ADAMTS2: variants seen among roughly 807,000 people sequenced by gnomAD.
ADAMTS2 encodes the protein A disintegrin and metalloproteinase with thrombospondin motifs 2.
Under a neutral mutation model 123.0 loss-of-function variants are expected in ADAMTS2, and 50 were observed. That is an observed-to-expected ratio of 0.41 (90% CI 0.32 to 0.51). The LOEUF is 0.51. Ranked by LOEUF, ADAMTS2 falls within the 20% of genes least tolerant of loss-of-function variation. The pLI, the probability that ADAMTS2 is intolerant of heterozygous loss-of-function variation, is 0.35. For synonymous variants in ADAMTS2, 678 were observed against 695.4 expected, an observed-to-expected ratio of 0.98 and a Z score of 0.39; for missense variants, 1,494 against 1,705.2, an observed-to-expected ratio of 0.88 and a Z score of 2.18.
At position 179,307,557 on chromosome 5, in the gene ADAMTS2, G is replaced by A. The variant is rs1261234850; in HGVS notation, c.535-34493C>T. 1.3e-5 allele frequency among the ~76,000 whole-genome samples: 2 copies of A among 152,142 alleles called. No homozygotes were observed. Among genetic ancestry groups the A allele is most frequent in the South Asian group, 4.1e-4 (2 of 4,824 alleles). ...CTCATTCTCTATGCTCCTCACGGCT[G>A]CCCCACAGAATCTCTGAAACACGAC... On this transcript the variant is annotated intron_variant, in intron 2 of 21. Coordinates refer to ENST00000251582, the MANE Select transcript of ADAMTS2 (RefSeq NM_014244.5). This position sits in a 1 kb window ranked among gnomAD's most constrained non-coding sequence, Gnocchi z 5.6.
chr5:179,151,912 C>A (rs1763364370), intron 10 of ADAMTS2, among the ~76,000 whole-genome samples: 1 of 152,154 alleles, frequency 6.6e-6, no homozygotes, highest in Non-Finnish European at 1.5e-5. Flanking sequence ...GCATGAAGCA[C>A]CATGAGGAAC....
rs560983418 is a variant in ADAMTS2 at position 179,132,508 on chromosome 5, C to T, written c.2210-198G>A. Among the ~76,000 whole-genome samples the T allele has an allele frequency of 2.0e-5, 3 of 151,484 alleles. No individual in the cohort carries two copies. Among genetic ancestry groups the T allele is most frequent in the Non-Finnish European group, 4.4e-5 (3 of 67,822 alleles). On this transcript the variant is annotated intron_variant, in intron 14 of 21. Transcript: ENST00000251582. The surrounding 1 kb of genome is among the most constrained non-coding windows in gnomAD (Gnocchi z 6.1). ...CTGCCTCCAGGCTAGTCTTTAAGGC[C>T]CAACCCGGGCATCCTCATATACTGG...
intron 3 of ADAMTS2, among the ~76,000 whole-genome samples, chr5:179,267,410 G>A (rs1766403797): frequency 6.6e-6 from 1 of 152,250 alleles, no homozygotes; most frequent in Non-Finnish European, 1.5e-5. Flanking sequence ...GCTGCAGCCT[G>A]ACAGCAGCAG....
chr5:179,293,963 G>T (rs993439658), intron 2 of ADAMTS2, among the ~76,000 whole-genome samples: 5 of 151,930 alleles, frequency 3.3e-5, no homozygotes, highest in Admixed American at 3.3e-4. Flanking sequence ...TAAGGTATTT[G>T]TGCATCTCAA....
chr5:179,329,117 G>C (rs1451982303), intron 2 of ADAMTS2, among the ~76,000 whole-genome samples: 1 of 152,160 alleles, frequency 6.6e-6, no homozygotes, highest in Non-Finnish European at 1.5e-5. Context: ...CACGAGGTCA[G>C]GAGATGGAGA....
At chr5:179,186,799 A>G (rs1451153385) in intron 4 of ADAMTS2, among the ~76,000 whole-genome samples, 1 of 141,798 alleles carries the variant, frequency 7.1e-6, no homozygotes, top group Non-Finnish European at 1.5e-5. Context: ...GACAGGAGAC[A>G]GGCGGTAGGG....
intron 2 of ADAMTS2, among the ~76,000 whole-genome samples, chr5:179,316,129 G>T (rs1756992997): frequency 6.6e-6 from 1 of 152,172 alleles, no homozygotes; most frequent in Non-Finnish European, 1.5e-5. Context: ...GTGTAAACAG[G>T]GAGGCAGCAG....
At chr5:179,329,263 C>G (rs777766115) in intron 2 of ADAMTS2, among the ~76,000 whole-genome samples, 9 of 149,788 alleles carry the variant, frequency 6.0e-5, no homozygotes, top group Non-Finnish European at 1.2e-4. Context: ...GGAGGCAGAG[C>G]TTGCAGTGAG....
At chr5:179,239,883 C>G (rs945178143) in intron 3 of ADAMTS2, among the ~76,000 whole-genome samples, 15 of 152,128 alleles carry the variant, frequency 9.9e-5, no homozygotes, top group African/African-American at 3.6e-4. Context: ...GAGGGACTAG[C>G]CTGCCACGTG....
intron 3 of ADAMTS2, among the ~76,000 whole-genome samples, chr5:179,217,924 T>C (rs967110225): frequency 1.4e-5 from 2 of 143,082 alleles, no homozygotes; most frequent in East Asian, 3.9e-4. Flanking sequence ...GACGGCACAC[T>C]CACTGAGGCA....
intron 2 of ADAMTS2, among the ~76,000 whole-genome samples, chr5:179,309,586 T>C (rs1756768224): frequency 2.0e-5 from 3 of 151,922 alleles, no homozygotes; most frequent in Admixed American, 6.5e-5. Context: ...TGAAACCCTG[T>C]CTGTACTAAA....
In ADAMTS2 at chr5:179,124,908, C is replaced by T. The variant is rs559715728; in HGVS notation, c.2958+65G>A. 1.0e-4 allele frequency: 161 copies of T among 1,591,996 alleles called. No individual in the cohort carries two copies. In the East Asian group the frequency reaches 3.3e-3, roughly 33 times the overall value. ...TAGCGGCTGAATGCAGCGCACGGAGCGCACCTGCATGCCTGTCCACCCTCA... is the reference window on the plus strand; with the variant it reads ...TAGCGGCTGAATGCAGCGCACGGAGTGCACCTGCATGCCTGTCCACCCTCA... On this transcript the variant is annotated intron_variant, in intron 19 of 21. Coordinates refer to ENST00000251582, the MANE Select transcript of ADAMTS2 (RefSeq NM_014244.5).
chr5:179,250,504 G>A (rs796693126), intron 3 of ADAMTS2, among the ~76,000 whole-genome samples: 10 of 152,102 alleles, frequency 6.6e-5, no homozygotes, highest in Non-Finnish European at 1.2e-4. Context: ...GGAATTATGC[G>A]CCCGAAACGC....
At chr5:179,251,292 G>C (rs2113469187) in intron 3 of ADAMTS2, among the ~76,000 whole-genome samples, 1 of 152,174 alleles carries the variant, frequency 6.6e-6, no homozygotes, top group East Asian at 1.9e-4. Flanking sequence ...GTTTGAACTT[G>C]TTATCTCCAA....
chr5:179,310,971 C>T (rs1164901383), intron 2 of ADAMTS2, among the ~76,000 whole-genome samples: 5 of 152,060 alleles, frequency 3.3e-5, no homozygotes, highest in Non-Finnish European at 7.4e-5. Context: ...CGGCTGGGTC[C>T]TCTGGACCTC....
chr5:179,202,199 C>G lies in ADAMTS2; in HGVS notation c.891+5314G>C, dbSNP rs1477155942. Among the ~76,000 whole-genome samples, 1 of 152,158 alleles carries G rather than the reference C, an allele frequency of 6.6e-6. No individual in the cohort carries two copies. Among genetic ancestry groups the G allele is most frequent in the Non-Finnish European group, 1.5e-5 (1 of 68,024 alleles). On this transcript the variant is annotated intron_variant, in intron 4 of 21. Transcript: ENST00000251582. The surrounding 1 kb of genome is among the most constrained non-coding windows in gnomAD (Gnocchi z 4.0). ...GGCCGGCCTTGCCGGCCCCGACTTC[C>G]CCTACCTGTGCCCCCTGCTTGACAG... is the stretch of plus-strand genomic sequence containing the variant.
chr5:179,125,526 T>C (rs1762838779), intron 18 of ADAMTS2, among the ~76,000 whole-genome samples: 1 of 152,148 alleles, frequency 6.6e-6, no homozygotes, highest in African/African-American at 2.4e-5. Context: ...CACCTTCTGC[T>C]GACGTCACAA....
At chr5:179,125,942 C>A in intron 18 of ADAMTS2, 56 bp downstream of exon 18, 1 of 1,610,230 alleles carries the variant, frequency 6.2e-7, no homozygotes, top group Non-Finnish European at 8.5e-7. Context: ...GCACGGGAGC[C>A]CCTGGTGGCC....
intron 2 of ADAMTS2, among the ~76,000 whole-genome samples, chr5:179,329,292 G>A (rs530618269): frequency 1.4e-3 from 211 of 146,888 alleles, no homozygotes; most frequent in African/African-American, 2.2e-3. Flanking sequence ...GTGCCACTGC[G>A]CTCCAGCCTG....
Sources: gnomAD v4.1 joint callset for allele counts (sites outside exome capture counted in the v4.1 genomes callset) on GRCh38, gnomAD v4.1.1 for gene constraint, Gnocchi (gnomAD v3.1) non-coding constraint, MANE v1.5 for transcripts, NCBI Gene and HGNC (gene_info 2026-07-23, HGNC 2026-07-21) for gene names.